RYR2: variants seen among roughly 807,000 people sequenced by gnomAD.
RYR2 encodes cardiac muscle ryanodine receptor-calcium release channel.
Under a neutral mutation model 601.1 loss-of-function variants are expected in RYR2, and 227 were observed. That is an observed-to-expected ratio of 0.38 (90% CI 0.34 to 0.42). The LOEUF is 0.42. Among genes scored for constraint, RYR2 ranks in the 10% least tolerant of loss-of-function variants. RYR2 has a pLI of 1.00. For missense variants in RYR2, 4,646 were observed against 6,156.5 expected, an observed-to-expected ratio of 0.75 and a Z score of 8.21; for synonymous variants, 2,223 against 2,175.1, an observed-to-expected ratio of 1.02 and a Z score of -0.61.
At chr1:237,748,850 A>C (rs1573789936) in intron 80 of RYR2, among the ~76,000 whole-genome samples, 2 of 152,354 alleles carry the variant, frequency 1.3e-5, no homozygotes, top group South Asian at 4.1e-4. Flanking sequence ...TCTGTAGCCA[A>C]CAAGTACAGA....
At chr1:237,638,572 T>A in intron 45 of RYR2, 80 bp downstream of exon 45, 1 of 1,440,860 alleles carries the variant, frequency 6.9e-7, no homozygotes, top group Non-Finnish European at 9.5e-7. Flanking sequence ...CTCAGCACTT[T>A]CATGAAGGAA....
intron 14 of RYR2, among the ~76,000 whole-genome samples, chr1:237,446,027 G>A (rs988280614): frequency 6.6e-6 from 1 of 152,112 alleles, no homozygotes; most frequent in African/African-American, 2.4e-5. Context: ...ATCTTGGCCA[G>A]GATGAACTCG....
rs1572631855 is a variant in RYR2 at position 237,332,311 on chromosome 1, A to T, written c.273+1329A>T. ...AATTAAATTTCAGCAGTGTACTATT[A>T]AGTAGGGAAGAGAAACTTTAGTGAC... On this transcript the variant is annotated intron_variant, in intron 3 of 104. Coordinates refer to ENST00000366574, the MANE Select transcript of RYR2 (RefSeq NM_001035.3). Among the ~76,000 whole-genome samples, 4 of 152,308 alleles carry T rather than the reference A, an allele frequency of 2.6e-5. No individual in the cohort carries two copies. The South Asian group carries it at 8.3e-4, about 32-fold the overall frequency.
intron 2 of RYR2, among the ~76,000 whole-genome samples, chr1:237,301,713 C>T (rs1477359093): frequency 2.0e-5 from 3 of 152,150 alleles, no homozygotes; most frequent in Non-Finnish European, 4.4e-5. Flanking sequence ...GACTTTAGAT[C>T]TGTAGTCTAT....
At chr1:237,598,622 G>A (rs558041456) in intron 34 of RYR2, among the ~76,000 whole-genome samples, 1 of 152,142 alleles carries the variant, frequency 6.6e-6, no homozygotes, top group African/African-American at 2.4e-5. Context: ...AACAAAAATG[G>A]CGACACAACA....
intron 38 of RYR2, among the ~76,000 whole-genome samples, chr1:237,623,385 T>A (rs1189837021): frequency 9.9e-5 from 9 of 90,976 alleles, no homozygotes; most frequent in African/African-American, 4.6e-4. Flanking sequence ...CTTTCTTTCT[T>A]TTTTTTTTTT....
intron 1 of RYR2, among the ~76,000 whole-genome samples, chr1:237,087,211 A>G (rs1482463043): frequency 6.6e-6 from 1 of 152,204 alleles, no homozygotes; most frequent in East Asian, 1.9e-4. Flanking sequence ...CACCTGAACC[A>G]GCATCTGGGC....
At chr1:237,130,044 A>C (rs921647348) in intron 1 of RYR2, among the ~76,000 whole-genome samples, 2 of 152,174 alleles carry the variant, frequency 1.3e-5, no homozygotes, top group South Asian at 4.1e-4. Context: ...ATTGTACAGC[A>C]TGGTGACTAT....
intron 17 of RYR2, among the ~76,000 whole-genome samples, chr1:237,488,707 A>G (rs781058223): frequency 2.0e-5 from 3 of 152,032 alleles, no homozygotes; most frequent in Non-Finnish European, 2.9e-5. Flanking sequence ...TTAAGAAGGT[A>G]CTTTGTAATA....
At chr1:237,147,819 A>G (rs1427448517) in intron 1 of RYR2, among the ~76,000 whole-genome samples, 1 of 152,252 alleles carries the variant, frequency 6.6e-6, no homozygotes. Flanking sequence ...TGGATCTAGC[A>G]AAGTCCAAGC....
chr1:237,249,665 T>C (rs1457530580), intron 1 of RYR2, among the ~76,000 whole-genome samples: 1 of 152,212 alleles, frequency 6.6e-6, no homozygotes, highest in Non-Finnish European at 1.5e-5. Context: ...TGACTCCTAG[T>C]TCAGAGTTCT....
At chr1:237,609,346 C>G (rs1001066679) in intron 35 of RYR2, among the ~76,000 whole-genome samples, 3 of 134,576 alleles carry the variant, frequency 2.2e-5, no homozygotes, top group Non-Finnish European at 4.8e-5. Context: ...CTCCATCCCT[C>G]CCTCCCCCCT....
chr1:237,337,588 G>A (rs916600516), intron 3 of RYR2, among the ~76,000 whole-genome samples: 84 of 152,066 alleles, frequency 5.5e-4, no homozygotes, highest in African/African-American at 2.0e-3. Flanking sequence ...GAAAATAATA[G>A]CATCTCCCTT....
chr1:237,564,157 C>T (rs1361455731), intron 27 of RYR2, among the ~76,000 whole-genome samples: 1 of 152,136 alleles, frequency 6.6e-6, no homozygotes, highest in Admixed American at 6.5e-5. Context: ...AGATTACAGG[C>T]ATGTTTTAAG....
chr1:237,767,514 T>G (rs1048547153), intron 84 of RYR2, among the ~76,000 whole-genome samples: 24 of 152,298 alleles, frequency 1.6e-4, no homozygotes, highest in African/African-American at 5.3e-4. Context: ...CATTGGTTAT[T>G]TAATTTCTCA....
intron 2 of RYR2, among the ~76,000 whole-genome samples, chr1:237,300,893 A>G (rs374285878): frequency 6.6e-6 from 1 of 152,096 alleles, no homozygotes; most frequent in East Asian, 1.9e-4. Flanking sequence ...CCAATGTGGA[A>G]CCAAATATGT....
chr1:237,790,492 C>T (rs1187717068), intron 92 of RYR2, among the ~76,000 whole-genome samples: 1 of 152,064 alleles, frequency 6.6e-6, no homozygotes, highest in African/African-American at 2.4e-5. Context: ...AGTGGGCCTT[C>T]CAAATCATAA....
chr1:237,329,866 G>GA (rs1165214908), intron 2 of RYR2, among the ~76,000 whole-genome samples: 1 of 151,528 alleles, frequency 6.6e-6, no homozygotes. Context: ...AAGAGAAAGA[G>GA]AAAAAAAGAA....
At chr1:237,395,825 C>T (rs1000373878) in intron 10 of RYR2, among the ~76,000 whole-genome samples, 3 of 152,088 alleles carry the variant, frequency 2.0e-5, no homozygotes, top group Non-Finnish European at 4.4e-5. Flanking sequence ...GGATTACAGG[C>T]ATGAGCCACC....
Sources: gnomAD v4.1 joint callset for allele counts (sites outside exome capture counted in the v4.1 genomes callset) on GRCh38, gnomAD v4.1.1 for gene constraint, MANE v1.5 for transcripts, NCBI Gene and HGNC (gene_info 2026-07-23, HGNC 2026-07-21) for gene names.